ERI3: variants seen among roughly 807,000 people sequenced by gnomAD.
ERI3 encodes ERI1 exoribonuclease family member 3, also known as ERI1 exoribonuclease 3.
ERI3 carries 18 observed loss-of-function variants against 44.4 expected under a neutral mutation model. The observed-to-expected ratio is 0.41, with a 90% CI of 0.28 to 0.60. The LOEUF (loss-of-function observed/expected upper bound fraction) is 0.60. ERI3 is among the 20% of genes least tolerant of loss of function. ERI3 has a pLI of 0.36. For missense variants in ERI3, 294 were observed against 435.5 expected (o/e 0.68, Z 2.89); for synonymous variants, 183 against 164.8 (o/e 1.11, Z -0.84).
intron 5 of ERI3, among the ~76,000 whole-genome samples, chr1:44,310,951 T>TCGCGTG (rs1553195168): frequency 1.1e-5 from 1 of 95,026 alleles, no homozygotes. Context: ...TATGTGCACA[T>TCGCGTG]CGCGCGCGCG....
chr1:44,321,044 G>A (rs910846211), intron 3 of ERI3, among the ~76,000 whole-genome samples: 2 of 152,108 alleles, frequency 1.3e-5, no homozygotes, highest in Admixed American at 6.5e-5. Flanking sequence ...AACACGAAAC[G>A]GATGACACCT....
chr1:44,285,484 CTG>C (rs1485132713), intron 6 of ERI3, among the ~76,000 whole-genome samples: 1 of 152,232 alleles, frequency 6.6e-6, no homozygotes, highest in Non-Finnish European at 1.5e-5. Context: ...ATTTAAGCCT[CTG>C]GCTACAGGTT....
At chr1:44,247,286 T>C (rs932428878) in intron 8 of ERI3, among the ~76,000 whole-genome samples, 2 of 152,130 alleles carry the variant, frequency 1.3e-5, no homozygotes, top group African/African-American at 2.4e-5. Context: ...TTCATACTGA[T>C]AGATCAGAAA....
intron 5 of ERI3, among the ~76,000 whole-genome samples, chr1:44,311,980 CA>C (rs1645982367): frequency 1.3e-5 from 2 of 152,230 alleles, no homozygotes; most frequent in East Asian, 1.9e-4. Context: ...CGCAGGTGCC[CA>C]AACTCTGACT....
chr1:44,221,432 G>A lies in ERI3; in HGVS notation c.*126C>T. 1.3e-6 allele frequency: 1 copy of A among 792,370 alleles called. No homozygotes were observed. The highest frequency in any genetic ancestry group is 2.1e-6 in the Non-Finnish European group (1 of 486,806). The allele number at this position is 792,370 out of a possible 1,614,324, so 49.1% of individuals were successfully genotyped here. On this transcript the variant is annotated 3_prime_UTR_variant, in exon 9 of 9. Transcript: ENST00000372257. The surrounding 1 kb of genome is among the most constrained non-coding windows in gnomAD (Gnocchi z 5.9). ...CCCACGCCAAGGGCATGAGCCCACA[G>A]GGCAGCTGGGGACACTCTGGACACA...
At chr1:44,340,723 A>G (rs1646636775) in intron 2 of ERI3, among the ~76,000 whole-genome samples, 1 of 152,190 alleles carries the variant, frequency 6.6e-6, no homozygotes, top group African/African-American at 2.4e-5. Flanking sequence ...CAGTGGAGCT[A>G]AGACCAAAAA....
chr1:44,245,154 T>G (rs1644528740), intron 8 of ERI3, among the ~76,000 whole-genome samples: 1 of 152,126 alleles, frequency 6.6e-6, no homozygotes, highest in Non-Finnish European at 1.5e-5. Context: ...GCACGCACAG[T>G]AACTCGGGGC....
At position 44,317,585 on chromosome 1, in the gene ERI3, G is replaced by A. The variant is rs116063196; in HGVS notation, c.606+2043C>T. ...TGGTAGCAGACCCTAATGATGGGAT[G>A]GAGATGGATCAGGTCTAGTTTCTTC... On this transcript the variant is annotated intron_variant, in intron 4 of 8. Coordinates refer to ENST00000372257, the MANE Select transcript of ERI3 (RefSeq NM_024066.3). Among the ~76,000 whole-genome samples, 693 of 152,180 alleles carry A rather than the reference G, an allele frequency of 4.6e-3. 2 individuals carry two copies. Among genetic ancestry groups the A allele is most frequent in the African/African-American group, 0.016 (669 of 41,460 alleles).
chr1:44,276,306 CCACACAATTTGCAAGTATGTGCAGTGTG>C (rs1396461937), intron 7 of ERI3, among the ~76,000 whole-genome samples: 2 of 152,220 alleles, frequency 1.3e-5, no homozygotes, highest in African/African-American at 2.4e-5. Flanking sequence ...AGAGGGAATT[CCACACAATTTGCAAGTATGTGCAGTGTG>C]CACACACTTG....
At chr1:44,251,147 C>T (rs1644670519) in intron 7 of ERI3, among the ~76,000 whole-genome samples, 1 of 152,236 alleles carries the variant, frequency 6.6e-6, no homozygotes, top group South Asian at 2.1e-4. Context: ...TGTGCTCCTG[C>T]CAACATATGG....
chr1:44,317,730 G>A (rs1011211605), intron 4 of ERI3, among the ~76,000 whole-genome samples: 4 of 152,114 alleles, frequency 2.6e-5, no homozygotes, highest in Non-Finnish European at 4.4e-5. Context: ...GTGACCCTAA[G>A]CAGAGTCCTG....
At chr1:44,223,008 C>A (rs1189020498) in intron 8 of ERI3, among the ~76,000 whole-genome samples, 3 of 152,350 alleles carry the variant, frequency 2.0e-5, no homozygotes, top group Non-Finnish European at 4.4e-5. Flanking sequence ...GTATCACTAG[C>A]CAGATCCTAG....
At chr1:44,342,653 G>GTT (rs558346904) in intron 2 of ERI3, among the ~76,000 whole-genome samples, 10 of 143,414 alleles carry the variant, frequency 7.0e-5, no homozygotes, top group Admixed American at 4.9e-4. Flanking sequence ...TTGCCTTCTT[G>GTT]TTTTTTTTTT....
At chr1:44,310,433 T>C (rs944134300) in intron 5 of ERI3, among the ~76,000 whole-genome samples, 1 of 152,190 alleles carries the variant, frequency 6.6e-6, no homozygotes, top group Non-Finnish European at 1.5e-5. Context: ...CCTTAATCTC[T>C]CATTCAGCAT....
At chr1:44,290,943 G>A (rs182389421) in intron 6 of ERI3, among the ~76,000 whole-genome samples, 1 of 152,248 alleles carries the variant, frequency 6.6e-6, no homozygotes, top group East Asian at 1.9e-4. Flanking sequence ...TACACATGGA[G>A]CAAATTGAGC....
At chr1:44,291,314 C>T (rs758231645) in intron 6 of ERI3, among the ~76,000 whole-genome samples, 1 of 152,198 alleles carries the variant, frequency 6.6e-6, no homozygotes, top group Non-Finnish European at 1.5e-5. Context: ...ATCTATCTCA[C>T]CTGCAAGATC....
chr1:44,302,472 G>A (rs529949665), intron 6 of ERI3, among the ~76,000 whole-genome samples: 4 of 152,284 alleles, frequency 2.6e-5, no homozygotes, highest in South Asian at 4.1e-4. Flanking sequence ...GCAACGGTGC[G>A]ATGCCCCATG....
At chr1:44,288,293 C>T (rs538879522) in intron 6 of ERI3, among the ~76,000 whole-genome samples, 2 of 152,302 alleles carry the variant, frequency 1.3e-5, no homozygotes, top group South Asian at 4.1e-4. Context: ...TGCAGGTACA[C>T]ATGCAGTTTG....
intron 7 of ERI3, among the ~76,000 whole-genome samples, chr1:44,270,246 C>T (rs1406563710): frequency 7.9e-5 from 12 of 152,202 alleles, no homozygotes; most frequent in Non-Finnish European, 1.3e-4. Flanking sequence ...TTTCTCCTGC[C>T]ACCACACCCC....
Sources: allele counts gnomAD v4.1 joint callset (sites outside exome capture counted in the v4.1 genomes callset), GRCh38; gene constraint gnomAD v4.1.1; non-coding constraint Gnocchi (gnomAD v3.1); transcripts MANE v1.5; gene names NCBI Gene and HGNC (gene_info 2026-07-23, HGNC 2026-07-21).